SLC44A4: variants seen among roughly 807,000 people sequenced by gnomAD.
SLC44A4 encodes the protein choline transporter-like protein 4.
Under a neutral mutation model 97.0 loss-of-function variants are expected in SLC44A4, and 74 were observed. That is an observed-to-expected ratio of 0.76 (90% CI 0.63 to 0.93). The LOEUF (loss-of-function observed/expected upper bound fraction) is 0.93. SLC44A4 is among the 40% of genes least tolerant of loss of function. SLC44A4 has a pLI of 0.00. For missense variants in SLC44A4, 799 were observed against 902.9 expected (o/e 0.88, Z 1.48); for synonymous variants, 325 against 363.8 (o/e 0.89, Z 1.21).
chr6:31,864,784 G>C, intron 19 of SLC44A4, 32 bp downstream of exon 19: 2 of 1,613,876 alleles, frequency 1.2e-6, no homozygotes, highest in Admixed American at 1.7e-5. Context: ...TGGGGAGTTG[G>C]GGGTGGAGCA....
In SLC44A4 at chr6:31,878,750, C is replaced by G. The variant is rs1291944457; in HGVS notation, c.40+191G>C. Among the ~76,000 whole-genome samples, 1 of 152,146 alleles carries G rather than the reference C, an allele frequency of 6.6e-6. No individual in the cohort carries two copies. The highest frequency in any genetic ancestry group is 1.5e-5 in the Non-Finnish European group (1 of 68,008). ...CCCCATGGGCTCCCCAGCAACAGCC[C>G]CAGCCCCCGGGCCCCATCCTCCTCC... On this transcript the variant is annotated intron_variant, in intron 1 of 20. Transcript: ENST00000229729. This position sits in a 1 kb window ranked among gnomAD's most constrained non-coding sequence, Gnocchi z 4.0.
Position 31,877,012 on chromosome 6 carries a change from C to CG in SLC44A4, c.89+21dup, listed in dbSNP as rs1562459353. On this transcript the variant is annotated intron_variant, in intron 2 of 20. Transcript: ENST00000229729. The surrounding 1 kb of genome is among the most constrained non-coding windows in gnomAD (Gnocchi z 6.5). Reference sequence around the variant, plus strand: ...TGCACCCACCACCCCCGCCAGCCCCCGGAGCAGTGCCCAGAGCTCACCTGT... The same window carrying CG: ...TGCACCCACCACCCCCGCCAGCCCCCGGGAGCAGTGCCCAGAGCTCACCTGT... 3 of 1,603,612 alleles carry CG rather than the reference C, an allele frequency of 1.9e-6. No individual in the cohort carries two copies. The South Asian group carries it at 3.4e-5, about 18-fold the overall frequency.
intron 13 of SLC44A4, among the ~76,000 whole-genome samples, chr6:31,867,667 A>G (rs1762934323): frequency 1.3e-5 from 2 of 151,978 alleles, no homozygotes; most frequent in South Asian, 4.2e-4. Flanking sequence ...TCAAGGCTTC[A>G]GTGAGCCATG....
chr6:31,864,372 G>A (rs1762719463), intron 20 of SLC44A4: 1 of 550,680 alleles, frequency 1.8e-6, no homozygotes, highest in African/African-American at 1.9e-5. Flanking sequence ...CACCATGCCT[G>A]GCCTCTAATG....
At position 31,864,682 on chromosome 6, in the gene SLC44A4, T is replaced by A. The variant is rs745650755; in HGVS notation, c.1981A>T (p.Met661Leu). The A allele has an allele frequency of 1.9e-6, 3 of 1,613,402 alleles. No individual in the cohort carries two copies. The highest frequency in any genetic ancestry group is 2.5e-6 in the Non-Finnish European group (3 of 1,179,986). The change falls in exon 20 of 21, where the codon ATG (methionine) becomes TTG (leucine). Residue 661 changes from methionine to leucine, a missense_variant. Met to Leu is a conservative substitution (Grantham distance 15). Transcript: ENST00000229729. ...CAGAGGAAGAGCGTGTCCACACACA[T>A]GCCGAAAACGCTGAAGAAGCCGCTG... ...IASGFFSVFGMCVDTLFLCFL... is the reference protein window; with the variant it reads ...IASGFFSVFGLCVDTLFLCFL...
chr6:31,863,760 C>T lies in SLC44A4; in HGVS notation c.2012-12G>A, dbSNP rs764496605. The stretch of plus-strand genomic sequence containing the variant: ...CTCCAGGTCTTCCACTGAGCCGCAA[C>T]AGAGACCGGTTAGAGCGGACCCTGG... On this transcript the variant is annotated splice_polypyrimidine_tract_variant and intron_variant, in intron 20 of 20. Transcript: ENST00000229729. The T allele has an allele frequency of 6.2e-7, 1 of 1,612,448 alleles. No individual in the cohort carries two copies. Among genetic ancestry groups the T allele is most frequent in the Middle Eastern group, 1.6e-4 (1 of 6,062 alleles).
Position 31,877,542 on chromosome 6 carries a change from C to T in SLC44A4, c.41-460G>A, listed in dbSNP as rs1763510347. 1.0e-6 allele frequency: 1 copy of T among 965,086 alleles called. No individual in the cohort carries two copies. Among genetic ancestry groups the T allele is most frequent in the Non-Finnish European group, 1.2e-6 (1 of 807,344 alleles). 59.8% of individuals were successfully genotyped at this position (965,086 alleles called of 1,614,324 possible). A position where few individuals can be genotyped will look rare whatever the true frequency, so the allele number is the denominator to read the frequency against. Reference sequence around the variant, plus strand: ...GGGAGGTCATGGCCTCTTCCCCTATCTGCCCCAGGCCCTACCTTACCCTCT... The same window carrying T: ...GGGAGGTCATGGCCTCTTCCCCTATTTGCCCCAGGCCCTACCTTACCCTCT... On this transcript the variant is annotated intron_variant, in intron 1 of 20. Coordinates refer to ENST00000229729, the MANE Select transcript of SLC44A4 (RefSeq NM_025257.3). This position sits in a 1 kb window ranked among gnomAD's most constrained non-coding sequence, Gnocchi z 6.5.
At chr6:31,864,000 T>G (rs1562439303) in intron 20 of SLC44A4, among the ~76,000 whole-genome samples, 1 of 151,860 alleles carries the variant, frequency 6.6e-6, no homozygotes, top group Non-Finnish European at 1.5e-5. Context: ...AATGGATGCA[T>G]GCTGTAGAGT....
Position 31,866,013 on chromosome 6 carries a change from C to T in SLC44A4, c.1347G>A (p.Gly449=), listed in dbSNP as rs754583945. Residue 449 remains glycine, a synonymous_variant, in exon 14 of 21, where the codon GGG becomes GGA. Coordinates refer to ENST00000229729, the MANE Select transcript of SLC44A4 (RefSeq NM_025257.3). The part of the protein sequence containing the change: ...VFNLQIYGVL[G]LFWTLNWVLA... ...GTACCCAGTTAAGGGTCCAGAAGAGCCCCAGGACCCCATAGATTTGCAGAT... is the reference window on the plus strand; with the variant it reads ...GTACCCAGTTAAGGGTCCAGAAGAGTCCCAGGACCCCATAGATTTGCAGAT... 1.9e-6 allele frequency: 3 copies of T among 1,614,220 alleles called. No individual in the cohort carries two copies. Among genetic ancestry groups the T allele is most frequent in the Non-Finnish European group, 2.5e-6 (3 of 1,180,042 alleles).
rs944429039 is a variant in SLC44A4, at chr6:31,877,736, A to G, written c.41-654T>C. The G allele has an allele frequency of 5.8e-5, 30 of 514,790 alleles. No individual in the cohort carries two copies. In the African/African-American group the frequency reaches 6.2e-4, roughly 11 times the overall value. 31.9% of individuals were successfully genotyped at this position (514,790 alleles called of 1,614,324 possible). Reference sequence around the variant, plus strand: ...CAGAGTGACACCTGAGCCCAGCCATAGAGATTGCAGGCACGTTGAGTTCCT... The same window carrying G: ...CAGAGTGACACCTGAGCCCAGCCATGGAGATTGCAGGCACGTTGAGTTCCT... On this transcript the variant is annotated intron_variant, in intron 1 of 20. Transcript: ENST00000229729. This position sits in a 1 kb window ranked among gnomAD's most constrained non-coding sequence, Gnocchi z 6.5.
intron 13 of SLC44A4, among the ~76,000 whole-genome samples, chr6:31,867,396 TGTCA>T (rs938062720): frequency 7.2e-5 from 11 of 151,970 alleles, no homozygotes; most frequent in Admixed American, 5.9e-4. Flanking sequence ...CGCGGCCTTC[TGTCA>T]GTCTTTACTG....
chr6:31,869,995 AAAG>A (rs1286822580), intron 11 of SLC44A4, among the ~76,000 whole-genome samples: 21 of 151,680 alleles, frequency 1.4e-4, no homozygotes, highest in African/African-American at 3.6e-4. Flanking sequence ...AAAAAAAAAA[AAAG>A]GGGGGGGCTG....
rs73402188 is a variant in SLC44A4 at position 31,864,537 on chromosome 6, G to A, written c.2011+115C>T. The A allele has an allele frequency of 4.4e-3, 4,392 of 989,516 alleles. 107 individuals are homozygous for A. In the African/African-American group the frequency reaches 0.062, roughly 14 times the overall value. The allele number at this position is 989,516 out of a possible 1,614,324, so 61.3% of individuals were successfully genotyped here. On this transcript the variant is annotated intron_variant, in intron 20 of 20. Transcript: ENST00000229729. ...TGTCACAAGAAGCTCCCTCTGGTTC[G>A]TTTAGCTCACAAAGGCATTGTTTCT...
At position 31,865,987 on chromosome 6, in the gene SLC44A4, A is replaced by T; in HGVS notation, c.1373T>A (p.Leu458Gln). The T allele has an allele frequency of 6.2e-7, 1 of 1,614,258 alleles. No individual in the cohort carries two copies. The highest frequency in any genetic ancestry group is 8.5e-7 in the Non-Finnish European group (1 of 1,180,048). The change falls in exon 14 of 21, where the codon CTG (leucine) becomes CAG (glutamine). Residue 458 changes from leucine (L) to glutamine (Q), a missense_variant. Around this residue, in one of 3 missense-constraint regions of SLC44A4, gnomAD observed 379 missense variants for 438.3 expected, o/e 0.86. Transcript: ENST00000229729. The surrounding 1 kb of genome is among the most constrained non-coding windows in gnomAD (Gnocchi z 5.2). ...LGLFWTLNWV[L>Q]ALGQCVLAGA... is the part of the protein sequence containing the mutation. The stretch of plus-strand genomic sequence containing the variant: ...AGCGAGGACGCATTGGCCCAGGGCC[A>T]GTACCCAGTTAAGGGTCCAGAAGAG...
chr6:31,877,454 CA>C lies in SLC44A4; in HGVS notation c.41-373del. 1 of 382,726 alleles carries C rather than the reference CA, an allele frequency of 2.6e-6. No individual in the cohort carries two copies. Among genetic ancestry groups the C allele is most frequent in the South Asian group, 6.3e-5 (1 of 15,876 alleles). 23.7% of individuals were successfully genotyped at this position (382,726 alleles called of 1,614,324 possible). A position where few individuals can be genotyped will look rare whatever the true frequency, so the allele number is the denominator to read the frequency against. On this transcript the variant is annotated intron_variant, in intron 1 of 20. Coordinates refer to ENST00000229729, the MANE Select transcript of SLC44A4 (RefSeq NM_025257.3). The surrounding 1 kb of genome is among the most constrained non-coding windows in gnomAD (Gnocchi z 6.5). ...GGACTCCCAGTGGCTCTCACTCCCT[CA>C]TTCTCATCCCTGCCTCCTCCCTAAT... is the stretch of plus-strand genomic sequence containing the variant.
Position 31,863,491 on chromosome 6 carries a change from G to A in SLC44A4, c.*136C>T, listed in dbSNP as rs2151549901. 1.6e-6 allele frequency: 2 copies of A among 1,276,182 alleles called. No individual in the cohort carries two copies. The highest frequency in any genetic ancestry group is 2.1e-6 in the Non-Finnish European group (2 of 957,154). The allele number at this position is 1,276,182 out of a possible 1,614,324, so 79.1% of individuals were successfully genotyped here. Reference sequence around the variant, plus strand: ...TCCGCCCGCCTCAGCCTCTCAAAGTGTTGGATTACAGGCGTGAGCCACGGC... The same window carrying A: ...TCCGCCCGCCTCAGCCTCTCAAAGTATTGGATTACAGGCGTGAGCCACGGC... On this transcript the variant is annotated 3_prime_UTR_variant, in exon 21 of 21. Coordinates refer to ENST00000229729, the MANE Select transcript of SLC44A4 (RefSeq NM_025257.3).
rs1562438699 is a variant in SLC44A4 at position 31,863,709 on chromosome 6, G to T, written c.2051C>A (p.Pro684His). The T allele has an allele frequency of 6.2e-7, 1 of 1,612,718 alleles. No individual in the cohort carries two copies. The highest frequency in any genetic ancestry group is 8.5e-7 in the Non-Finnish European group (1 of 1,179,916). The change falls in exon 21 of 21, where the codon CCC (proline) becomes CAC (histidine). Residue 684 changes from proline (P) to histidine (H), a missense_variant. Physicochemically the swap from Pro to His is moderately conservative, Grantham distance 77. Transcript: ENST00000229729. ...TAGAAGGCTCTTGGACATGTAGTAG[G>T]GCCGGTCCAGGGAGCCGTTGTTCCG... is the stretch of plus-strand genomic sequence containing the variant. ...LERNNGSLDR[P>H]YYMSKSLLKI...
In SLC44A4 at chr6:31,874,814, C is replaced by A; in HGVS notation, c.375G>T (p.Trp125Cys). 6.2e-7 allele frequency: 1 copy of A among 1,613,636 alleles called. No homozygotes were observed. The highest frequency in any genetic ancestry group is 8.5e-7 in the Non-Finnish European group (1 of 1,179,820). ...GTGAGAACTCGTTTTTTCCCACAGTCCATGGGTCCTCCGGGCAGGAGGACA... is the reference window on the plus strand; with the variant it reads ...GTGAGAACTCGTTTTTTCCCACAGTACATGGGTCCTCCGGGCAGGAGGACA... ...VCVSSCPEDP[W>C]TVGKNEFSQT... The change falls in exon 6 of 21, where the codon TGG becomes TGT. Residue 125 changes from tryptophan to cysteine, a missense_variant. By Grantham distance (215) the Trp-to-Cys change is radical. Transcript: ENST00000229729. The surrounding 1 kb of genome is among the most constrained non-coding windows in gnomAD (Gnocchi z 4.8).
chr6:31,871,565 G>T lies in SLC44A4; in HGVS notation c.530-4C>A, dbSNP rs373361528. The T allele has an allele frequency of 1.2e-6, 2 of 1,612,336 alleles. No homozygotes were observed. The highest frequency in any genetic ancestry group is 2.7e-5 in the African/African-American group (2 of 74,872). On this transcript the variant is annotated splice_polypyrimidine_tract_variant and splice_region_variant and intron_variant, in intron 7 of 20. Transcript: ENST00000229729. The stretch of plus-strand genomic sequence containing the variant: ...CATGGAAAGCAGCGCCCCAGAGCTG[G>T]AAGGGAGAGCCGGGCTGCTGGGTTG...
Sources: allele counts gnomAD v4.1 joint callset (sites outside exome capture counted in the v4.1 genomes callset), GRCh38; gene constraint gnomAD v4.1.1; regional missense constraint gnomAD v4.1.1; non-coding constraint Gnocchi (gnomAD v3.1); transcripts MANE v1.5; gene names NCBI Gene and HGNC (gene_info 2026-07-23, HGNC 2026-07-21).